The following FNBP1 variants were observed in gnomAD, a reference collection of about 807,000 sequenced individuals.
FNBP1 encodes formin binding protein 1.
FNBP1 carries 26 observed loss-of-function variants against 90.6 expected under a neutral mutation model. The observed-to-expected ratio is 0.29, with a 90% CI of 0.21 to 0.40. The LOEUF is 0.40. Ranked by LOEUF, FNBP1 falls within the 10% of genes least tolerant of loss-of-function variation. The probability of loss-of-function intolerance (pLI) is 1.00; values close to 1 mark genes in which losing one functional copy is unlikely to be tolerated. For synonymous variants in FNBP1, 260 were observed against 265.2 expected (o/e 0.98, Z 0.19); for missense variants, 635 against 768.0 (o/e 0.83, Z 2.05).
intron 6 of FNBP1, among the ~76,000 whole-genome samples, chr9:129,955,337 A>C (rs1447750648): frequency 6.6e-6 from 1 of 151,882 alleles, no homozygotes; most frequent in Non-Finnish European, 1.5e-5. Context: ...AGGACCGAGC[A>C]ATCCTCCCAC....
chr9:129,896,636 C>A (rs897890926), intron 15 of FNBP1, among the ~76,000 whole-genome samples: 12 of 151,778 alleles, frequency 7.9e-5, no homozygotes, highest in Non-Finnish European at 1.6e-4. Context: ...CCAGCCTCAG[C>A]CTCCCAATTT....
At chr9:130,026,187 A>T (rs939507047) in intron 1 of FNBP1, among the ~76,000 whole-genome samples, 1 of 152,170 alleles carries the variant, frequency 6.6e-6, no homozygotes, top group African/African-American at 2.4e-5. Flanking sequence ...ACTAAATTGT[A>T]GAAATCTTTT....
chr9:130,020,281 C>T (rs78009659), intron 1 of FNBP1, among the ~76,000 whole-genome samples: 1,636 of 152,224 alleles, frequency 0.011, 37 homozygotes, highest in African/African-American at 0.038. Flanking sequence ...GACCTTGGCT[C>T]ACTGCTTACC....
chr9:129,916,774 T>C (rs2040325615), intron 10 of FNBP1, among the ~76,000 whole-genome samples: 1 of 152,152 alleles, frequency 6.6e-6, no homozygotes, highest in Non-Finnish European at 1.5e-5. Flanking sequence ...CTAATAAATA[T>C]AAACATTGAC....
At position 129,927,350 on chromosome 9, in the gene FNBP1, T is replaced by G. The variant is rs1473502098; in HGVS notation, c.643-9A>C. On this transcript the variant is annotated splice_polypyrimidine_tract_variant and intron_variant, in intron 7 of 16. Coordinates refer to ENST00000446176, the MANE Select transcript of FNBP1 (RefSeq NM_015033.3). ...TCCATCTCTTGTATTTTCTGCAACATTAGATTTTGTATAAAGTAAGTTTGG... is the reference window on the plus strand; with the variant it reads ...TCCATCTCTTGTATTTTCTGCAACAGTAGATTTTGTATAAAGTAAGTTTGG... 6.2e-7 allele frequency: 1 copy of G among 1,607,346 alleles called. No individual in the cohort carries two copies. Among genetic ancestry groups the G allele is most frequent in the Non-Finnish European group, 8.5e-7 (1 of 1,175,766 alleles).
chr9:130,005,341 ATTTTT>A (rs35530412), intron 1 of FNBP1, among the ~76,000 whole-genome samples: 1 of 108,534 alleles, frequency 9.2e-6, no homozygotes, highest in Non-Finnish European at 1.9e-5. Flanking sequence ...ACAAATTGAG[ATTTTT>A]TTTTTTTTTT....
upstream of FNBP1, among the ~76,000 whole-genome samples, chr9:130,048,158 A>G (rs978149811): frequency 1.0e-5 from 1 of 98,330 alleles, no homozygotes; most frequent in African/African-American, 3.2e-5. Context: ...CATGTCTACT[A>G]AAAATACAAA....
In FNBP1 at chr9:129,888,858, T is replaced by G. The variant is rs371735587; in HGVS notation, c.*1681A>C. On this transcript the variant is annotated 3_prime_UTR_variant, in exon 17 of 17. Transcript: ENST00000446176. Reference sequence around the variant, plus strand: ...CCTGTCCTTTCCGTCCCTGTCCCTTTGGCTTCTATAGGACTTCCTTGTCTT... The same window carrying G: ...CCTGTCCTTTCCGTCCCTGTCCCTTGGGCTTCTATAGGACTTCCTTGTCTT... The G allele has an allele frequency of 1.4e-4, 32 of 232,450 alleles. No homozygotes were observed. The highest frequency in any genetic ancestry group is 6.6e-4 in the African/African-American group (30 of 45,294). The allele number at this position is 232,450 out of a possible 1,614,324, so 14.4% of individuals were successfully genotyped here. A position where few individuals can be genotyped will look rare whatever the true frequency, so the allele number is the denominator to read the frequency against.
At chr9:129,921,180 C>T (rs1414500156) in intron 10 of FNBP1, among the ~76,000 whole-genome samples, 2 of 152,088 alleles carry the variant, frequency 1.3e-5, no homozygotes, top group East Asian at 3.9e-4. Flanking sequence ...ATTAAAAGAA[C>T]TCTGCATGTG....
chr9:129,900,139 C>G lies in FNBP1; in HGVS notation c.1551-38G>C. On this transcript the variant is annotated intron_variant, in intron 14 of 16. Coordinates refer to ENST00000446176, the MANE Select transcript of FNBP1 (RefSeq NM_015033.3). The surrounding 1 kb of genome is among the most constrained non-coding windows in gnomAD (Gnocchi z 4.1). ...GGAAAACACAAAGCAACTAAAGCGA[C>G]TGACCCCAGGGAGGACTCAGATTGA... is the stretch of plus-strand genomic sequence containing the variant. 1 of 1,560,750 alleles carries G rather than the reference C, an allele frequency of 6.4e-7. No homozygotes were observed. The highest frequency in any genetic ancestry group is 1.7e-4 in the Middle Eastern group (1 of 5,844).
chr9:130,017,864 T>C (rs1448098176), intron 1 of FNBP1, among the ~76,000 whole-genome samples: 1 of 140,020 alleles, frequency 7.1e-6, no homozygotes, highest in Non-Finnish European at 1.5e-5. Context: ...TGGTCTGGTC[T>C]AACGTGGTTT....
chr9:129,890,638 C>T lies in FNBP1; in HGVS notation c.1847-92G>A. 1 of 930,378 alleles carries T rather than the reference C, an allele frequency of 1.1e-6. No individual in the cohort carries two copies. Among genetic ancestry groups the T allele is most frequent in the South Asian group, 1.4e-5 (1 of 70,818 alleles). The allele number at this position is 930,378 out of a possible 1,614,324, so 57.6% of individuals were successfully genotyped here. On this transcript the variant is annotated intron_variant, in intron 16 of 16. Transcript: ENST00000446176. The surrounding 1 kb of genome is among the most constrained non-coding windows in gnomAD (Gnocchi z 5.8). ...GCATTTTGCTCTTGGCTACAAACTG[C>T]ACCGCCCTGGGAGGGGAGGGTAGTG... is the stretch of plus-strand genomic sequence containing the variant.
chr9:129,985,578 G>A (rs2052041097), intron 2 of FNBP1, among the ~76,000 whole-genome samples: 1 of 151,990 alleles, frequency 6.6e-6, no homozygotes, highest in Non-Finnish European at 1.5e-5. Context: ...CAGTTTGGGA[G>A]GCCGAGGTGG....
chr9:129,944,061 C>G (rs1308959350), intron 6 of FNBP1, among the ~76,000 whole-genome samples: 1 of 148,438 alleles, frequency 6.7e-6, no homozygotes, highest in Non-Finnish European at 1.5e-5. Context: ...ACATATCATA[C>G]TCTACCTTAT....
intron 4 of FNBP1, among the ~76,000 whole-genome samples, chr9:129,960,383 C>CAAAAAAAAAAAAA (rs10715833): frequency 1.2e-5 from 1 of 80,454 alleles, no homozygotes; most frequent in African/African-American, 4.9e-5. Flanking sequence ...GACTCCATCT[C>CAAAAAAAAAAAAA]AAAAAAAAAA....
intron 1 of FNBP1, among the ~76,000 whole-genome samples, chr9:130,038,076 C>T (rs912977272): frequency 4.6e-5 from 7 of 152,088 alleles, no homozygotes; most frequent in Non-Finnish European, 8.8e-5. Context: ...TACAGTCGGC[C>T]GGGCGCGGTG....
At position 129,966,730 on chromosome 9, in the gene FNBP1, C is replaced by T. The variant is rs1051389638; in HGVS notation, c.346-8177G>A. On this transcript the variant is annotated intron_variant, in intron 4 of 16. Coordinates refer to ENST00000446176, the MANE Select transcript of FNBP1 (RefSeq NM_015033.3). The surrounding 1 kb of genome is among the most constrained non-coding windows in gnomAD (Gnocchi z 4.3). Reference sequence around the variant, plus strand: ...TCTGGGTGATGGAGCGAGACTCCGTCTAAACAACAACAACAACAACAACAA... The same window carrying T: ...TCTGGGTGATGGAGCGAGACTCCGTTTAAACAACAACAACAACAACAACAA... Among the ~76,000 whole-genome samples the T allele has an allele frequency of 7.1e-6, 1 of 141,810 alleles. No homozygotes were observed. Among genetic ancestry groups the T allele is most frequent in the African/African-American group, 2.6e-5 (1 of 38,908 alleles). The allele number at this position is 141,810 out of a possible 152,430, so 93.0% of individuals were successfully genotyped here.
At chr9:129,927,119 G>T in intron 8 of FNBP1, 76 bp downstream of exon 8, 2 of 1,479,428 alleles carry the variant, frequency 1.4e-6, no homozygotes, top group Non-Finnish European at 9.3e-7. Context: ...ATGACATGAG[G>T]TCAAATGGAA....
chr9:130,033,775 G>A (rs766340895), intron 1 of FNBP1, among the ~76,000 whole-genome samples: 17 of 149,622 alleles, frequency 1.1e-4, no homozygotes, highest in Non-Finnish European at 2.2e-4. Flanking sequence ...GGCGGATCAC[G>A]AGGTCAGGAG....
Sources: gnomAD v4.1 joint callset for allele counts (sites outside exome capture counted in the v4.1 genomes callset) on GRCh38, gnomAD v4.1.1 for gene constraint, Gnocchi (gnomAD v3.1) non-coding constraint, MANE v1.5 for transcripts, NCBI Gene and HGNC (gene_info 2026-07-23, HGNC 2026-07-21) for gene names.